ATP8A2: variants seen among roughly 807,000 people sequenced by gnomAD.
ATP8A2 encodes phospholipid-transporting ATPase IB.
A neutral mutation model predicts 165.6 loss-of-function variants in ATP8A2; 100 were observed. The ratio of observed to expected loss-of-function variants is 0.60; its 90% confidence interval spans 0.51 to 0.71. The LOEUF is 0.71. Among genes scored for constraint, ATP8A2 ranks in the 30% least tolerant of loss-of-function variants. The pLI is 0.00. For synonymous variants in ATP8A2, 543 were observed against 548.8 expected (o/e 0.99, Z 0.15); for missense variants, 1,227 against 1,479.5 (o/e 0.83, Z 2.80).
intron 24 of ATP8A2, among the ~76,000 whole-genome samples, chr13:25,660,584 A>G (rs752040580): frequency 4.6e-5 from 7 of 152,184 alleles, no homozygotes; most frequent in African/African-American, 1.7e-4. Flanking sequence ...CTGTAAACCT[A>G]AAACAAACAT....
chr13:25,675,033 A>G (rs2042344664), intron 24 of ATP8A2, among the ~76,000 whole-genome samples: 2 of 152,188 alleles, frequency 1.3e-5, no homozygotes, highest in African/African-American at 2.4e-5. Flanking sequence ...TCTGGAACCA[A>G]ATGCGAGTCA....
chr13:25,563,832 A>C (rs2039232770), intron 15 of ATP8A2, 124 bp from the exon 16 acceptor site: 2 of 612,828 alleles, frequency 3.3e-6, no homozygotes, highest in African/African-American at 3.7e-5. Context: ...AGTCTTTAAA[A>C]GTTTAATGTG....
intron 30 of ATP8A2, among the ~76,000 whole-genome samples, chr13:25,849,157 G>A (rs1029605750): frequency 2.0e-5 from 3 of 152,234 alleles, no homozygotes. Flanking sequence ...CTTGGCAGAT[G>A]TCTTGGTGTT....
chr13:25,468,821 C>T, intron 1 of ATP8A2, 156 bp from the exon 2 acceptor site: 2 of 983,988 alleles, frequency 2.0e-6, no homozygotes, highest in Non-Finnish European at 1.2e-6. Context: ...CAGGCGGCGG[C>T]GTCTCCAGGG....
intron 23 of ATP8A2, among the ~76,000 whole-genome samples, chr13:25,583,721 C>CA (rs2039840882): frequency 6.6e-6 from 1 of 152,170 alleles, no homozygotes; most frequent in East Asian, 1.9e-4. Flanking sequence ...GATTATTACT[C>CA]AAAAACGAAA....
At chr13:25,399,132 A>C (rs2033534429) in intron 1 of ATP8A2, among the ~76,000 whole-genome samples, 1 of 152,104 alleles carries the variant, frequency 6.6e-6, no homozygotes, top group African/African-American at 2.4e-5. Context: ...TCTAAGGAGG[A>C]TGTGATATAC....
At chr13:25,786,857 G>T (rs1407765105) in intron 27 of ATP8A2, among the ~76,000 whole-genome samples, 1 of 151,024 alleles carries the variant, frequency 6.6e-6, no homozygotes, top group Non-Finnish European at 1.5e-5. Context: ...CTGGGTTTAA[G>T]CGATTCTCCT....
chr13:25,636,702 T>C (rs1184506640), intron 24 of ATP8A2, among the ~76,000 whole-genome samples: 1 of 152,166 alleles, frequency 6.6e-6, no homozygotes, highest in East Asian at 1.9e-4. Flanking sequence ...TTCTGAATTT[T>C]GTGTTTATTA....
At chr13:25,779,245 A>G (rs2044815282) in intron 27 of ATP8A2, among the ~76,000 whole-genome samples, 1 of 152,108 alleles carries the variant, frequency 6.6e-6, no homozygotes, top group Admixed American at 6.5e-5. Context: ...AACAAATTTT[A>G]CCCATAGTTT....
intron 2 of ATP8A2, among the ~76,000 whole-genome samples, chr13:25,518,504 G>C (rs1184806719): frequency 6.6e-6 from 1 of 151,780 alleles, no homozygotes; most frequent in African/African-American, 2.4e-5. Context: ...TGGATTTACT[G>C]TTTCCATTTT....
At chr13:25,690,383 T>C (rs1316765656) in intron 24 of ATP8A2, among the ~76,000 whole-genome samples, 1 of 151,280 alleles carries the variant, frequency 6.6e-6, no homozygotes, top group Non-Finnish European at 1.5e-5. Flanking sequence ...TTTAAGAAAT[T>C]TGTGACTTTT....
chr13:26,000,919 A>T (rs1956619873), intron 35 of ATP8A2, among the ~76,000 whole-genome samples: 1 of 152,344 alleles, frequency 6.6e-6, no homozygotes, highest in South Asian at 2.1e-4. Flanking sequence ...AGTTTGCCAT[A>T]CATGGCAGTT....
chr13:25,561,830 A>G (rs2039165355), intron 15 of ATP8A2, among the ~76,000 whole-genome samples: 1 of 151,964 alleles, frequency 6.6e-6, no homozygotes, highest in South Asian at 2.1e-4. Context: ...TGTCTCTATG[A>G]TTTTGCCTGT....
chr13:25,873,640 CTTT>C (rs201451621), intron 33 of ATP8A2, among the ~76,000 whole-genome samples: 29 of 139,826 alleles, frequency 2.1e-4, no homozygotes, highest in African/African-American at 2.1e-4. Context: ...CTAAGTATCT[CTTT>C]TTTTTTTTTT....
chr13:25,665,321 G>A (rs541083550), intron 24 of ATP8A2, among the ~76,000 whole-genome samples: 5 of 152,294 alleles, frequency 3.3e-5, no homozygotes, highest in South Asian at 2.1e-4. Context: ...AGGTGGGCAT[G>A]GTGGCACACA....
chr13:25,578,714 T>C, intron 20 of ATP8A2, 101 bp from the exon 21 acceptor site: 1 of 758,580 alleles, frequency 1.3e-6, no homozygotes. Flanking sequence ...ACTCGGGTAT[T>C]CTCATGCATG....
intron 35 of ATP8A2, among the ~76,000 whole-genome samples, chr13:26,005,184 G>GT (rs1434776484): frequency 6.6e-6 from 1 of 151,918 alleles, no homozygotes; most frequent in African/African-American, 2.4e-5. Flanking sequence ...GTGATAGGTT[G>GT]TAAGTGTCTA....
At chr13:25,507,624 C>G (rs1566197383) in intron 2 of ATP8A2, among the ~76,000 whole-genome samples, 1 of 152,054 alleles carries the variant, frequency 6.6e-6, no homozygotes, top group Non-Finnish European at 1.5e-5. Flanking sequence ...GAACTGAACT[C>G]TATCCTTTAT....
intron 33 of ATP8A2, among the ~76,000 whole-genome samples, chr13:25,948,047 C>A (rs564619435): frequency 1.2e-4 from 18 of 152,274 alleles, no homozygotes; most frequent in African/African-American, 3.1e-4. Context: ...AAAAAAGAGA[C>A]TTAGACTTAG....
Sources: allele counts gnomAD v4.1 joint callset (sites outside exome capture counted in the v4.1 genomes callset), GRCh38; gene constraint gnomAD v4.1.1; transcripts MANE v1.5; gene names NCBI Gene and HGNC (gene_info 2026-07-23, HGNC 2026-07-21).